The following SYTL5 variants were observed in gnomAD, a reference collection of about 807,000 sequenced individuals.
SYTL5 encodes synaptotagmin-like protein 5.
In SYTL5, 34 loss-of-function variants were observed where a neutral mutation model predicts 55.9. The ratio of observed to expected loss-of-function variants is 0.61; its 90% CI spans 0.46 to 0.81. The LOEUF (loss-of-function observed/expected upper bound fraction) is 0.81, where lower values mean the gene tolerates loss of function less well. SYTL5 is among the 30% of genes least tolerant of loss of function. SYTL5 has a pLI of 0.00. For synonymous variants in SYTL5, 221 were observed against 188.7 expected, an observed-to-expected ratio of 1.17 and a Z score of -1.40; for missense variants, 637 against 546.7, an observed-to-expected ratio of 1.17 and a Z score of -1.65.
chrX:37,927,614 A>G, the SYTL5 span, among the ~76,000 whole-genome samples: 1,045 of 109,528 alleles, frequency 9.5e-3, 12 homozygotes, highest in African/African-American at 0.033. Flanking sequence ...TCTCTACTGA[A>G]AATACAAAAA....
At chrX:38,050,072 C>A (rs747881342) in intron 2 of SYTL5, among the ~76,000 whole-genome samples, 1 of 111,698 alleles carries the variant, frequency 9.0e-6, no homozygotes, top group South Asian at 3.7e-4. Context: ...CTCCCTTAGG[C>A]CTTGATGTGC....
chrX:38,034,863 A>G (rs1295966684), intron 2 of SYTL5, among the ~76,000 whole-genome samples: 2 of 112,120 alleles, frequency 1.8e-5, no homozygotes, highest in African/African-American at 3.2e-5. Context: ...TACCCCAGAA[A>G]AAAAGGAGCA....
chrX:38,113,610 T>C (rs955622663), intron 13 of SYTL5, among the ~76,000 whole-genome samples: 1 of 111,397 alleles, frequency 9.0e-6, no homozygotes, highest in Admixed American at 9.5e-5. Flanking sequence ...TTGGATATGG[T>C]TTGAATAAAT....
chrX:38,014,833 C>T (rs920065267), intron 1 of SYTL5, among the ~76,000 whole-genome samples: 1 of 112,438 alleles, frequency 8.9e-6, no homozygotes, highest in Non-Finnish European at 1.9e-5. Context: ...CATTTGTCTT[C>T]TGTGACAGAG....
In SYTL5 at chrX:38,106,740, A is replaced by G; in HGVS notation, c.1303A>G (p.Ile435Val). 8.3e-7 allele frequency: 1 copy of G among 1,204,048 alleles called. No individual in the cohort carries two copies. The highest frequency in any genetic ancestry group is 1.1e-6 in the Non-Finnish European group (1 of 892,569). ...IFVKNCRNLAIGDEKKQRTDA... is the reference protein window; with the variant it reads ...IFVKNCRNLAVGDEKKQRTDA... ...TGTCAAGAATTGCAGAAATCTGGCC[A>G]TAGGAGATGAAAAGAAACAGAGGAC... The change falls in exon 11 of 17, where the codon ATA (isoleucine) becomes GTA (valine). Residue 435 changes from isoleucine (I) to valine (V), a missense_variant. Coordinates refer to ENST00000297875, the MANE Select transcript of SYTL5 (RefSeq NM_138780.3).
the SYTL5 span, among the ~76,000 whole-genome samples, chrX:37,984,097 G>A: frequency 7.2e-5 from 8 of 110,736 alleles, no homozygotes; most frequent in African/African-American, 2.6e-4. Flanking sequence ...AAAAAGAAGG[G>A]CAAACTAAAC....
intron 1 of SYTL5, among the ~76,000 whole-genome samples, chrX:38,024,427 T>C (rs1033456581): frequency 4.5e-5 from 5 of 111,357 alleles, no homozygotes; most frequent in African/African-American, 1.6e-4. Flanking sequence ...GCTCTTTTTT[T>C]TTAAATAAAT....
At chrX:37,965,940 T>C in the SYTL5 span, among the ~76,000 whole-genome samples, 40,078 of 111,199 alleles carry the variant, frequency 0.36, 5,216 homozygotes, top group East Asian at 0.6. Context: ...GATTACCATT[T>C]GCACAGAATA....
chrX:38,032,416 T>C (rs1210587862), intron 1 of SYTL5, among the ~76,000 whole-genome samples: 1 of 111,080 alleles, frequency 9.0e-6, no homozygotes, highest in East Asian at 2.8e-4. Context: ...GACAAAGGGG[T>C]AGTTTTAAAA....
the SYTL5 span, among the ~76,000 whole-genome samples, chrX:37,960,952 C>G: frequency 6.4e-5 from 7 of 109,242 alleles, no homozygotes; most frequent in Admixed American, 4.9e-4. Flanking sequence ...CCTGCCACCA[C>G]GCCCAGCTAA....
intron 6 of SYTL5, among the ~76,000 whole-genome samples, chrX:38,080,934 G>A (rs1036753115): frequency 3.6e-5 from 4 of 111,656 alleles, no homozygotes; most frequent in East Asian, 2.8e-4. Context: ...TCTGTTTTGC[G>A]TATTAGATAA....
chrX:38,074,070 A>G (rs1176211808), intron 5 of SYTL5, among the ~76,000 whole-genome samples: 2 of 111,773 alleles, frequency 1.8e-5, no homozygotes, highest in African/African-American at 6.5e-5. Context: ...GTGCTGATAT[A>G]TAATTTTATC....
chrX:38,092,718 C>G (rs1936831578), intron 7 of SYTL5, among the ~76,000 whole-genome samples: 1 of 111,132 alleles, frequency 9.0e-6, no homozygotes, highest in Admixed American at 9.6e-5. Context: ...TACAGACGCA[C>G]CCAGAATAAT....
chrX:38,113,703 C>T (rs920373582), intron 13 of SYTL5, among the ~76,000 whole-genome samples: 1 of 111,705 alleles, frequency 9.0e-6, no homozygotes, highest in African/African-American at 3.3e-5. Flanking sequence ...CTCTACCCAT[C>T]CCCGTTTTCT....
intron 10 of SYTL5, among the ~76,000 whole-genome samples, chrX:38,104,357 A>T (rs915535474): frequency 1.8e-5 from 2 of 111,776 alleles, no homozygotes; most frequent in Non-Finnish European, 3.8e-5. Flanking sequence ...GAACAGCCAA[A>T]TCTCAGACCT....
the SYTL5 span, among the ~76,000 whole-genome samples, chrX:37,892,097 G>T: frequency 9.0e-6 from 1 of 111,339 alleles, no homozygotes; most frequent in Non-Finnish European, 1.9e-5. Flanking sequence ...CTGGGTAATG[G>T]GATAACAGTG....
At chrX:38,113,967 A>G (rs1292312358) in intron 13 of SYTL5, among the ~76,000 whole-genome samples, 1 of 111,278 alleles carries the variant, frequency 9.0e-6, no homozygotes, top group Non-Finnish European at 1.9e-5. Context: ...TCTCCAGAGT[A>G]CCCCTATGGG....
At chrX:38,060,948 A>G (rs1481613488) in intron 3 of SYTL5, among the ~76,000 whole-genome samples, 1 of 112,096 alleles carries the variant, frequency 8.9e-6, no homozygotes, top group Non-Finnish European at 1.9e-5. Flanking sequence ...CCATCCATCT[A>G]TCTTTCCCAC....
the SYTL5 span, among the ~76,000 whole-genome samples, chrX:37,923,681 A>G: frequency 4.6e-5 from 5 of 108,818 alleles, no homozygotes; most frequent in Non-Finnish European, 7.6e-5. Context: ...TGTTAGAAAA[A>G]CATCACTACC....
Sources: allele counts gnomAD v4.1 joint callset (sites outside exome capture counted in the v4.1 genomes callset), GRCh38; gene constraint gnomAD v4.1.1; transcripts MANE v1.5; gene names NCBI Gene and HGNC (gene_info 2026-07-23, HGNC 2026-07-21).